Variants in ANAPC10 observed in about 807,000 individuals in gnomAD.
ANAPC10 encodes the protein anaphase promoting complex subunit 10, also known as anaphase-promoting complex subunit 10.
A neutral mutation model predicts 22.0 loss-of-function variants in ANAPC10; 12 were observed. The ratio of observed to expected loss-of-function variants is 0.55; its 90% CI spans 0.35 to 0.88. The LOEUF (loss-of-function observed/expected upper bound fraction) is 0.88. Among genes scored for constraint, ANAPC10 ranks in the 40% least tolerant of loss-of-function variants. ANAPC10 has a pLI of 0.01. For missense variants in ANAPC10, 188 were observed against 220.9 expected (o/e 0.85, Z 0.94); for synonymous variants, 65 against 69.5 (o/e 0.94, Z 0.32).
At chr4:145,032,087 C>T (rs564164381) in intron 4 of ANAPC10, among the ~76,000 whole-genome samples, 1 of 152,296 alleles carries the variant, frequency 6.6e-6, no homozygotes, top group South Asian at 2.1e-4. Context: ...CAGCCTGCAC[C>T]GATGGCCTCA....
rs150309446 is a variant in ANAPC10, at chr4:144,996,819, C to T, written c.328-1216G>A. ...TAAAGGAGGATATTCGAACCCATCG[C>T]AAAGAAGCTAAAAACCTTGAAAAAA... is the stretch of plus-strand genomic sequence containing the variant. On this transcript the variant is annotated intron_variant, in intron 4 of 4. Transcript: ENST00000507656. Among the ~76,000 whole-genome samples the T allele has an allele frequency of 1.6e-3, 248 of 152,180 alleles. 1 individual carries two copies. Among genetic ancestry groups the T allele is most frequent in the African/African-American group, 5.6e-3 (231 of 41,520 alleles).
chr4:145,002,747 GATTA>G (rs1462438261), intron 4 of ANAPC10, among the ~76,000 whole-genome samples: 9 of 152,010 alleles, frequency 5.9e-5, no homozygotes, highest in Admixed American at 5.9e-4. Flanking sequence ...ACTATTTCCA[GATTA>G]ATCATATTTA....
At chr4:145,097,386 C>T (rs1032276046) in intron 1 of ANAPC10, 1 of 895,914 alleles carries the variant, frequency 1.1e-6, no homozygotes, top group Non-Finnish European at 1.6e-6. Flanking sequence ...TGAAAAAACA[C>T]TTCAATACTG....
At chr4:145,054,366 A>C (rs1741604930) in intron 4 of ANAPC10, among the ~76,000 whole-genome samples, 1 of 147,606 alleles carries the variant, frequency 6.8e-6, no homozygotes, top group African/African-American at 2.5e-5. Flanking sequence ...CCTGGCCAAC[A>C]TGGTGAAACC....
At chr4:145,060,882 A>C (rs1317727213) in intron 4 of ANAPC10, among the ~76,000 whole-genome samples, 2 of 152,118 alleles carry the variant, frequency 1.3e-5, no homozygotes, top group Admixed American at 1.3e-4. Context: ...AAGTGCTATC[A>C]GGCTCCTATT....
intron 4 of ANAPC10, among the ~76,000 whole-genome samples, chr4:145,012,168 GTGTGTGTGTATATATA>G (rs760661324): frequency 0.017 from 1,849 of 111,492 alleles, 17 homozygotes; most frequent in Admixed American, 0.03. Flanking sequence ...ATGTATATGT[GTGTGTGTGTATATATA>G]TATATATATA....
At chr4:145,096,715 C>T (rs1309269671) in intron 1 of ANAPC10, among the ~76,000 whole-genome samples, 1 of 151,930 alleles carries the variant, frequency 6.6e-6, no homozygotes, top group East Asian at 1.9e-4. Context: ...ATTTTATTTA[C>T]TTAATTCCTT....
chr4:145,054,847 C>T (rs1214396188), intron 4 of ANAPC10, among the ~76,000 whole-genome samples: 1 of 151,938 alleles, frequency 6.6e-6, no homozygotes, highest in Non-Finnish European at 1.5e-5. Flanking sequence ...TATCTACCCT[C>T]GCATCTATTT....
At chr4:145,061,916 T>C (rs565112144) in intron 4 of ANAPC10, among the ~76,000 whole-genome samples, 26 of 151,830 alleles carry the variant, frequency 1.7e-4, no homozygotes, top group Non-Finnish European at 3.2e-4. Flanking sequence ...GAGATCAGCC[T>C]GGCCAACATG....
At chr4:145,007,947 A>C (rs1365032548) in intron 4 of ANAPC10, among the ~76,000 whole-genome samples, 2 of 152,170 alleles carry the variant, frequency 1.3e-5, no homozygotes, top group Non-Finnish European at 2.9e-5. Context: ...AGCAAGACTA[A>C]TAAAGAAGAA....
chr4:145,012,893 T>C (rs1734571779), intron 4 of ANAPC10, among the ~76,000 whole-genome samples: 1 of 152,138 alleles, frequency 6.6e-6, no homozygotes, highest in African/African-American at 2.4e-5. Flanking sequence ...TGGTGGGAAA[T>C]GACTGGATCA....
At chr4:145,089,431 CT>C (rs572264538) in intron 2 of ANAPC10, among the ~76,000 whole-genome samples, 218 of 152,210 alleles carry the variant, frequency 1.4e-3, no homozygotes, top group African/African-American at 5.0e-3. Flanking sequence ...TATTTTTCCC[CT>C]AAATTTGTTT....
intron 4 of ANAPC10, among the ~76,000 whole-genome samples, chr4:145,027,404 T>C (rs1736920766): frequency 2.0e-5 from 3 of 152,018 alleles, no homozygotes; most frequent in Admixed American, 2.0e-4. Context: ...GAGGTTATCA[T>C]AGCTAATAAA....
chr4:145,086,013 G>A (rs1014590152), intron 2 of ANAPC10, among the ~76,000 whole-genome samples: 2 of 152,068 alleles, frequency 1.3e-5, no homozygotes, highest in Admixed American at 1.3e-4. Context: ...CACCTTTGCA[G>A]GGGGCAGAGC....
intron 2 of ANAPC10, among the ~76,000 whole-genome samples, chr4:145,085,211 T>G (rs779558420): frequency 5.3e-5 from 8 of 152,080 alleles, no homozygotes. Context: ...AAGCCATGAC[T>G]GTACCACTGC....
chr4:145,015,387 C>A (rs576565376), intron 4 of ANAPC10, among the ~76,000 whole-genome samples: 3 of 151,520 alleles, frequency 2.0e-5, no homozygotes, highest in African/African-American at 7.3e-5. Flanking sequence ...CAAACAAAGA[C>A]AAAGAAAAAA....
intron 4 of ANAPC10, among the ~76,000 whole-genome samples, chr4:145,052,787 C>G (rs1201878573): frequency 6.6e-6 from 1 of 150,950 alleles, no homozygotes; most frequent in South Asian, 2.1e-4. Flanking sequence ...ACTCGGGAGG[C>G]TGAGACAGGA....
chr4:145,012,213 TA>T (rs1374379790), intron 4 of ANAPC10, among the ~76,000 whole-genome samples: 2 of 149,202 alleles, frequency 1.3e-5, no homozygotes, highest in Non-Finnish European at 3.0e-5. Context: ...CACATATATA[TA>T]CATATATATA....
intron 4 of ANAPC10, among the ~76,000 whole-genome samples, chr4:145,017,782 G>T (rs568837576): frequency 6.5e-4 from 99 of 152,196 alleles, no homozygotes; most frequent in African/African-American, 2.0e-3. Flanking sequence ...GGAATACTAT[G>T]CACCCATAAA....
Sources: gnomAD v4.1 joint callset for allele counts (sites outside exome capture counted in the v4.1 genomes callset) on GRCh38, gnomAD v4.1.1 for gene constraint, MANE v1.5 for transcripts, NCBI Gene and HGNC (gene_info 2026-07-23, HGNC 2026-07-21) for gene names.